TBC1D19: variants seen among roughly 807,000 people sequenced by gnomAD.
The protein encoded by TBC1D19 is TBC1 domain family member 19, also known as TBC1 domain family, member 19.
In TBC1D19, 60 loss-of-function variants were observed where a neutral mutation model predicts 89.0. That is an observed-to-expected ratio of 0.67 (90% CI 0.55 to 0.84). The LOEUF is 0.84. TBC1D19 is among the 40% of genes least tolerant of loss of function. The pLI, the probability that TBC1D19 is intolerant of heterozygous loss-of-function variation, is 0.00. For synonymous variants in TBC1D19, 189 were observed against 199.7 expected (o/e 0.95, Z 0.45); for missense variants, 500 against 610.8 (o/e 0.82, Z 1.91).
Position 26,638,108 on chromosome 4 carries a change from G to GTA in TBC1D19, c.370-663_370-662insTA, listed in dbSNP as rs1393955093. On this transcript the variant is annotated intron_variant, in intron 5 of 20. Transcript: ENST00000264866. Reference sequence around the variant, plus strand: ...CATTTATGTTACTCTGGGCATTGAGGAGAAAAGATGAGAAAGAAAAGAAAA... The same window carrying GTA: ...CATTTATGTTACTCTGGGCATTGAGGTAAGAAAAGATGAGAAAGAAAAGAAAA... Among the ~76,000 whole-genome samples, 1,065 of 151,196 alleles carry GTA rather than the reference G, an allele frequency of 7.0e-3. 16 individuals are homozygous for GTA. The highest frequency in any genetic ancestry group is 0.025 in the African/African-American group (1,004 of 40,570).
intron 11 of TBC1D19, among the ~76,000 whole-genome samples, chr4:26,682,662 A>G (rs529315090): frequency 1.8e-4 from 27 of 152,188 alleles, no homozygotes; most frequent in Non-Finnish European, 1.0e-4. Flanking sequence ...GGAGCAATAC[A>G]CATGTCAGCT....
chr4:26,694,862 G>A (rs1044106707), intron 13 of TBC1D19, among the ~76,000 whole-genome samples: 3 of 152,196 alleles, frequency 2.0e-5, no homozygotes, highest in Non-Finnish European at 4.4e-5. Context: ...CTAACAAACA[G>A]AAAGGACATC....
the TBC1D19 span, among the ~76,000 whole-genome samples, chr4:26,830,309 T>C: frequency 6.6e-6 from 1 of 152,212 alleles, no homozygotes; most frequent in African/African-American, 2.4e-5. Flanking sequence ...GGTTCCCAGC[T>C]CCCATCTTTA....
the TBC1D19 span, among the ~76,000 whole-genome samples, chr4:26,833,254 G>A: frequency 3.9e-5 from 6 of 152,214 alleles, no homozygotes; most frequent in East Asian, 1.2e-3. Flanking sequence ...GAAAAATCAA[G>A]GATGCAATGC....
chr4:26,633,521 A>G (rs1015608055), intron 4 of TBC1D19, among the ~76,000 whole-genome samples: 3 of 152,160 alleles, frequency 2.0e-5, no homozygotes, highest in African/African-American at 7.2e-5. Context: ...TTCTTGTTTT[A>G]AAACCAAAAG....
intron 1 of TBC1D19, among the ~76,000 whole-genome samples, chr4:26,600,946 A>C: frequency 6.6e-6 from 1 of 152,212 alleles, no homozygotes; most frequent in East Asian, 1.9e-4. Context: ...GTAGTAATTC[A>C]ACATATTTTA....
chr4:26,824,543 G>A, the TBC1D19 span, among the ~76,000 whole-genome samples: 2 of 152,304 alleles, frequency 1.3e-5, no homozygotes, highest in South Asian at 4.1e-4. Flanking sequence ...ATGACCGTCA[G>A]CTTCTGAGTG....
At chr4:26,681,775 T>C (rs904128530) in intron 11 of TBC1D19, among the ~76,000 whole-genome samples, 1 of 152,162 alleles carries the variant, frequency 6.6e-6, no homozygotes, top group African/African-American at 2.4e-5. Flanking sequence ...AAGAATGAGT[T>C]AAATGTGTAT....
At chr4:26,626,483 C>G (rs1311152997) in intron 4 of TBC1D19, among the ~76,000 whole-genome samples, 1 of 152,052 alleles carries the variant, frequency 6.6e-6, no homozygotes, top group Non-Finnish European at 1.5e-5. Flanking sequence ...CATGATAACC[C>G]TATGAGGTGG....
intron 13 of TBC1D19, among the ~76,000 whole-genome samples, chr4:26,708,578 C>T (rs764204261): frequency 1.3e-5 from 2 of 152,018 alleles, no homozygotes; most frequent in Non-Finnish European, 2.9e-5. Context: ...CTCAATTTCT[C>T]TCATCTTTCT....
chr4:26,587,897 G>A lies in TBC1D19; in HGVS notation c.99+3605G>A, dbSNP rs760940009. ...AGTTTTTATGTTTCAAGAAGTTGCC[G>A]CACTTAATTTATTTTAACGAATTTA... On this transcript the variant is annotated intron_variant, in intron 1 of 20. Coordinates refer to ENST00000264866, the MANE Select transcript of TBC1D19 (RefSeq NM_018317.4). Among the ~76,000 whole-genome samples the A allele has an allele frequency of 2.8e-4, 43 of 151,812 alleles. No individual in the cohort carries two copies. The East Asian group carries it at 3.5e-3, about 12-fold the overall frequency.
At chr4:26,841,849 T>C in the TBC1D19 span, among the ~76,000 whole-genome samples, 1 of 152,212 alleles carries the variant, frequency 6.6e-6, no homozygotes, top group Non-Finnish European at 1.5e-5. Flanking sequence ...ATGTCAGTGA[T>C]TCTGACAGGA....
chr4:26,777,869 C>CCAGGAGTT, the TBC1D19 span, among the ~76,000 whole-genome samples: 1 of 150,644 alleles, frequency 6.6e-6, no homozygotes, highest in Non-Finnish European at 1.5e-5. Context: ...TTGTTGGAGC[C>CCAGGAGTT]CAGGAGTTCA....
chr4:26,687,353 G>A (rs1713900058), intron 12 of TBC1D19, among the ~76,000 whole-genome samples: 1 of 152,132 alleles, frequency 6.6e-6, no homozygotes, highest in African/African-American at 2.4e-5. Flanking sequence ...CAGAGTTACT[G>A]ACCAAAGTCA....
chr4:26,725,496 C>T (rs1323721695), intron 15 of TBC1D19, among the ~76,000 whole-genome samples: 6 of 152,180 alleles, frequency 3.9e-5, no homozygotes, highest in Admixed American at 6.5e-5. Context: ...ACTGCAGCCT[C>T]GACCTCCTGG....
intron 6 of TBC1D19, among the ~76,000 whole-genome samples, chr4:26,639,464 G>C (rs766655223): frequency 1.2e-4 from 19 of 152,054 alleles, no homozygotes; most frequent in Non-Finnish European, 2.4e-4. Context: ...TAAATATTGT[G>C]CAAGCTTAAT....
At position 26,722,920 on chromosome 4, in the gene TBC1D19, A is replaced by G. The variant is rs1227599789; in HGVS notation, c.1084+2795A>G. 3.3e-5 allele frequency among the ~76,000 whole-genome samples: 5 copies of G among 152,194 alleles called. No individual in the cohort carries two copies. The East Asian group carries it at 9.6e-4, about 29-fold the overall frequency. ...GTGACAAAGCCAAGCTTTGAATCCA[A>G]GCTGTCTGGCTTCAGAAGCAACATT... On this transcript the variant is annotated intron_variant, in intron 15 of 20. Coordinates refer to ENST00000264866, the MANE Select transcript of TBC1D19 (RefSeq NM_018317.4).
chr4:26,770,065 GAA>G, the TBC1D19 span, among the ~76,000 whole-genome samples: 1 of 140,126 alleles, frequency 7.1e-6, no homozygotes, highest in Non-Finnish European at 1.6e-5. Context: ...GAGAAAAATA[GAA>G]AAAAAAAACA....
At chr4:26,639,448 T>C in intron 6 of TBC1D19, among the ~76,000 whole-genome samples, 1 of 152,180 alleles carries the variant, frequency 6.6e-6, no homozygotes, top group East Asian at 1.9e-4. Context: ...TGTCTTTTAA[T>C]TAAGGTAAAT....
Sources: gnomAD v4.1 joint callset for allele counts (sites outside exome capture counted in the v4.1 genomes callset) on GRCh38, gnomAD v4.1.1 for gene constraint, MANE v1.5 for transcripts, NCBI Gene and HGNC (gene_info 2026-07-23, HGNC 2026-07-21) for gene names.